KLC2: variants seen among roughly 807,000 people sequenced by gnomAD.
KLC2 encodes the protein KLC 2.
Under a neutral mutation model 75.1 loss-of-function variants are expected in KLC2, and 35 were observed. That is an observed-to-expected ratio of 0.47 (90% CI 0.36 to 0.62). The LOEUF (loss-of-function observed/expected upper bound fraction) is 0.62, where lower values mean the gene tolerates loss of function less well. Among genes scored for constraint, KLC2 ranks in the 20% least tolerant of loss-of-function variants. KLC2 has a pLI of 0.00. For synonymous variants in KLC2, 314 were observed against 336.7 expected (o/e 0.93, Z 0.74); for missense variants, 611 against 833.2 (o/e 0.73, Z 3.28).
upstream of KLC2, among the ~76,000 whole-genome samples, chr11:66,254,460 GT>G (rs758462559): frequency 6.6e-6 from 1 of 151,752 alleles, no homozygotes; most frequent in Non-Finnish European, 1.5e-5. Context: ...GATCCCAGTA[GT>G]TCAAGAACAG....
the KLC2 span, among the ~76,000 whole-genome samples, chr11:66,250,016 C>G: frequency 6.6e-6 from 1 of 152,168 alleles, no homozygotes; most frequent in Non-Finnish European, 1.5e-5. Context: ...ACCTTCACTT[C>G]TAGTTGCTTT....
intron 2 of KLC2, 55 bp from the exon 3 acceptor site, chr11:66,261,687 G>A (rs1054231594): frequency 1.5e-5 from 18 of 1,231,304 alleles, no homozygotes; most frequent in East Asian, 2.4e-5. Flanking sequence ...CCAGGCTACA[G>A]TCATAGGCGA....
intron 2 of KLC2, chr11:66,261,185 C>T (rs1856389339): frequency 6.5e-6 from 1 of 152,750 alleles, no homozygotes. Flanking sequence ...GGGGTTGAGG[C>T]CAAGGCCTTT....
Position 66,262,936 on chromosome 11 carries a change from G to T in KLC2, c.652G>T (p.Val218Leu). 1 of 1,613,988 alleles carries T rather than the reference G, an allele frequency of 6.2e-7. No homozygotes were observed. Among genetic ancestry groups the T allele is most frequent in the Non-Finnish European group, 8.5e-7 (1 of 1,179,992 alleles). ...YASQGRYEVA[V>L]PLCKQALEDL... The stretch of plus-strand genomic sequence containing the variant: ...CTCACAGGGCCGCTACGAGGTAGCT[G>T]TGCCACTCTGCAAGCAGGCACTCGA... Residue 218 changes from valine (V) to leucine (L), a missense_variant, in exon 5 of 16, where the codon GTG (valine) becomes TTG (leucine). By Grantham distance (32) the Val-to-Leu change is conservative. Transcript: ENST00000394067.
upstream of KLC2, among the ~76,000 whole-genome samples, chr11:66,254,893 C>G (rs1855991339): frequency 6.6e-6 from 1 of 151,850 alleles, no homozygotes; most frequent in Non-Finnish European, 1.5e-5. Flanking sequence ...CCACTGCACT[C>G]CAGCCTGGGC....
At chr11:66,264,565 CCT>C in intron 9 of KLC2, 121 bp downstream of exon 9, 1 of 748,300 alleles carries the variant, frequency 1.3e-6, no homozygotes, top group Non-Finnish European at 2.3e-6. Flanking sequence ...TGGTCACCAG[CCT>C]CACCCTCAGA....
the KLC2 span, chr11:66,244,187 A>AC: frequency 6.7e-6 from 1 of 149,530 alleles, no homozygotes; most frequent in East Asian, 2.0e-4. Flanking sequence ...TGGGAGGCAG[A>AC]CCCCCACCAC....
intron 5 of KLC2, among the ~76,000 whole-genome samples, chr11:66,263,254 C>T (rs1856567190): frequency 6.6e-6 from 1 of 152,170 alleles, no homozygotes; most frequent in Non-Finnish European, 1.5e-5. Context: ...CACACAGCTT[C>T]TCCAGGCACC....
At position 66,263,673 on chromosome 11, in the gene KLC2, T is replaced by A; in HGVS notation, c.766T>A (p.Tyr256Asn). Residue 256 changes from tyrosine (Y) to asparagine (N), a missense_variant, in exon 6 of 16, where the codon TAC becomes AAC. Transcript: ENST00000394067. ...ACCTGCTCCCAGGGATCAGAACAAG[T>A]ACAAGGAGGCTGCCCACCTGCTCAA... The part of the protein sequence containing the change: ...LALVYRDQNK[Y>N]KEAAHLLNDA... The A allele has an allele frequency of 6.2e-7, 1 of 1,613,332 alleles. No individual in the cohort carries two copies. The highest frequency in any genetic ancestry group is 8.5e-7 in the Non-Finnish European group (1 of 1,179,466).
At chr11:66,245,207 C>T in the KLC2 span, 1 of 152,278 alleles carries the variant, frequency 6.6e-6, no homozygotes, top group Non-Finnish European at 1.5e-5. Flanking sequence ...TAGCCACTGT[C>T]CCCTGGGTGC....
chr11:66,265,570 C>A, intron 11 of KLC2, 85 bp from the exon 12 acceptor site: 1 of 1,133,396 alleles, frequency 8.8e-7, no homozygotes, highest in Non-Finnish European at 1.3e-6. Flanking sequence ...GAGGTCCATG[C>A]TTCCTCAGGG....
At chr11:66,249,966 A>C in the KLC2 span, among the ~76,000 whole-genome samples, 1 of 152,234 alleles carries the variant, frequency 6.6e-6, no homozygotes, top group South Asian at 2.1e-4. Context: ...CTCTGAATAG[A>C]GGCCAACCAC....
the KLC2 span, among the ~76,000 whole-genome samples, chr11:66,247,677 T>C: frequency 6.6e-6 from 1 of 152,076 alleles, no homozygotes; most frequent in African/African-American, 2.4e-5. Context: ...TAATTATTCA[T>C]TTGTCTCTCC....
chr11:66,252,853 T>C (rs1432409688), upstream of KLC2, among the ~76,000 whole-genome samples: 3 of 151,916 alleles, frequency 2.0e-5, no homozygotes, highest in Non-Finnish European at 4.4e-5. Context: ...GGGGACAGCT[T>C]TGAGTAGACT....
Position 66,264,616 on chromosome 11 carries a change from G to A in KLC2, c.1216+172G>A, listed in dbSNP as rs368622503. On this transcript the variant is annotated intron_variant, in intron 9 of 15. Transcript: ENST00000394067. The stretch of plus-strand genomic sequence containing the variant: ...CCTGTGCTCACGTTTGCACACATGA[G>A]CACACACCCAACTCACGCAGCCCCC... 3.3e-5 allele frequency among the ~76,000 whole-genome samples: 5 copies of A among 152,294 alleles called. No individual in the cohort carries two copies. The East Asian group carries it at 9.6e-4, about 29-fold the overall frequency.
chr11:66,262,576 CAG>C, intron 4 of KLC2: 1 of 582,516 alleles, frequency 1.7e-6, no homozygotes, highest in South Asian at 2.1e-5. Context: ...CACAGGGACA[CAG>C]GCTCAGAGGT....
At chr11:66,262,087 C>T in intron 3 of KLC2, 36 bp from the exon 4 acceptor site, 1 of 1,606,772 alleles carries the variant, frequency 6.2e-7, no homozygotes, top group South Asian at 1.1e-5. Flanking sequence ...TGCCCTGTGC[C>T]TCCTTCCCTG....
chr11:66,264,744 C>T (rs1856695041), intron 9 of KLC2: 1 of 584,256 alleles, frequency 1.7e-6, no homozygotes, highest in Non-Finnish European at 3.1e-6. Context: ...TGGGAAACCA[C>T]CTCTGGCCCC....
In KLC2 at chr11:66,265,638, G is replaced by A. The variant is rs1856769336; in HGVS notation, c.1335-17G>A. On this transcript the variant is annotated splice_polypyrimidine_tract_variant and intron_variant, in intron 11 of 15. Transcript: ENST00000394067. ...GGGTCTGGGGGAACATGGAGTTTGA[G>A]ACTGTCCCATCCACAGCCCCACAGT... 6.2e-7 allele frequency: 1 copy of A among 1,600,944 alleles called. No individual in the cohort carries two copies. The highest frequency in any genetic ancestry group is 1.3e-5 in the African/African-American group (1 of 74,786).
Sources: gnomAD v4.1 joint callset for allele counts (sites outside exome capture counted in the v4.1 genomes callset) on GRCh38, gnomAD v4.1.1 for gene constraint, MANE v1.5 for transcripts, NCBI Gene and HGNC (gene_info 2026-07-23, HGNC 2026-07-21) for gene names.